BICD1: variants seen among roughly 807,000 people sequenced by gnomAD.
The protein encoded by BICD1 is protein bicaudal D homolog 1.
Under a neutral mutation model 92.5 loss-of-function variants are expected in BICD1, and 35 were observed. The ratio of observed to expected loss-of-function variants is 0.38; its 90% CI spans 0.29 to 0.50. BICD1 has a LOEUF of 0.50. Ranked by LOEUF, BICD1 falls within the 20% of genes least tolerant of loss-of-function variation. The pLI is 0.93. For synonymous variants in BICD1, 429 were observed against 465.1 expected, an observed-to-expected ratio of 0.92 and a Z score of 1.00; for missense variants, 950 against 1,189.8, an observed-to-expected ratio of 0.80 and a Z score of 2.97.
Position 32,377,762 on chromosome 12 carries a change from C to T in BICD1, c.*135C>T, listed in dbSNP as rs200207912. The T allele has an allele frequency of 1.6e-4, 120 of 762,820 alleles. No homozygotes were observed. Among genetic ancestry groups the T allele is most frequent in the Non-Finnish European group, 2.3e-4 (107 of 463,708 alleles). 47.3% of individuals were successfully genotyped at this position (762,820 alleles called of 1,614,324 possible). On this transcript the variant is annotated 3_prime_UTR_variant, in exon 10 of 10. Transcript: ENST00000652176. Reference sequence around the variant, plus strand: ...GATTAATGTCCATCGTTTTGGAAGACGAGAGAAAGTTGAGAAGAACACGAA... The same window carrying T: ...GATTAATGTCCATCGTTTTGGAAGATGAGAGAAAGTTGAGAAGAACACGAA...
At chr12:32,279,717 G>C (rs1404417377) in intron 2 of BICD1, among the ~76,000 whole-genome samples, 1 of 152,194 alleles carries the variant, frequency 6.6e-6, no homozygotes, top group Non-Finnish European at 1.5e-5. Flanking sequence ...TCTAATGGAG[G>C]CAGGTATCCC....
rs948247832 is a variant in BICD1, at chr12:32,339,337, G to A, written c.2764+358G>A. The A allele has an allele frequency of 1.0e-5, 10 of 1,001,478 alleles. 1 individual carries two copies. The South Asian group carries it at 3.2e-4, about 32-fold the overall frequency. The allele number at this position is 1,001,478 out of a possible 1,614,324, so 62.0% of individuals were successfully genotyped here. On this transcript the variant is annotated intron_variant, in intron 8 of 9. Transcript: ENST00000652176. ...CAGATTTGGCCAGTTCTCTCTTATC[G>A]TTTTTAATGTAATTTCCGTAAAGGG...
intron 2 of BICD1, among the ~76,000 whole-genome samples, chr12:32,274,653 G>A (rs1947230864): frequency 6.6e-6 from 1 of 152,036 alleles, no homozygotes; most frequent in African/African-American, 2.4e-5. Context: ...ACACAGAAAG[G>A]GAAACTATGA....
chr12:32,150,803 T>C (rs185410482), intron 1 of BICD1, among the ~76,000 whole-genome samples: 253 of 152,198 alleles, frequency 1.7e-3, no homozygotes, highest in Middle Eastern at 6.8e-3. Context: ...CATAAGAATC[T>C]GTAGGCTCTT....
chr12:32,362,119 G>C (rs1939353756), intron 8 of BICD1, among the ~76,000 whole-genome samples: 1 of 152,198 alleles, frequency 6.6e-6, no homozygotes, highest in East Asian at 1.9e-4. Flanking sequence ...CAGCACTTTG[G>C]GAGGCCGAGG....
chr12:32,167,402 T>G (rs1943798858), intron 1 of BICD1, among the ~76,000 whole-genome samples: 1 of 152,226 alleles, frequency 6.6e-6, no homozygotes, highest in Non-Finnish European at 1.5e-5. Flanking sequence ...ACTTTAAAAT[T>G]GTTTCTTTTT....
intron 2 of BICD1, among the ~76,000 whole-genome samples, chr12:32,264,876 G>A (rs186450595): frequency 6.6e-6 from 1 of 152,282 alleles, no homozygotes; most frequent in Non-Finnish European, 1.5e-5. Flanking sequence ...AAGAGGCAGA[G>A]ACCTTGTCCT....
At position 32,337,989 on chromosome 12, in the gene BICD1, TAA is replaced by T; in HGVS notation, c.2570+174_2570+175del. Reference sequence around the variant, plus strand: ...TCTTTCCAGATCAAAACCTTTTTGATAATTGTGTTTATGTAGTCCTTTCTAAC... The same window carrying T: ...TCTTTCCAGATCAAAACCTTTTTGATTTGTGTTTATGTAGTCCTTTCTAAC... On this transcript the variant is annotated intron_variant, in intron 7 of 9. Transcript: ENST00000652176. The surrounding 1 kb of genome is among the most constrained non-coding windows in gnomAD (Gnocchi z 4.7). 1 of 655,524 alleles carries T rather than the reference TAA, an allele frequency of 1.5e-6. No individual in the cohort carries two copies. Among genetic ancestry groups the T allele is most frequent in the Non-Finnish European group, 2.6e-6 (1 of 389,360 alleles). 40.6% of individuals were successfully genotyped at this position (655,524 alleles called of 1,614,324 possible). A position where few individuals can be genotyped will look rare whatever the true frequency, so the allele number is the denominator to read the frequency against.
intron 2 of BICD1, among the ~76,000 whole-genome samples, chr12:32,235,470 A>ATT (rs368010956): frequency 1.3e-5 from 2 of 150,356 alleles, no homozygotes; most frequent in Admixed American, 6.6e-5. Flanking sequence ...CTTTATGGCT[A>ATT]TTTTTTTTTC....
intron 2 of BICD1, among the ~76,000 whole-genome samples, chr12:32,264,054 G>A (rs1946929030): frequency 6.6e-6 from 1 of 152,132 alleles, no homozygotes; most frequent in Admixed American, 6.6e-5. Context: ...TCCTGGCTCT[G>A]CCACTTACAG....
chr12:32,296,246 G>GTTTT lies in BICD1; in HGVS notation c.579+2106_579+2109dup, dbSNP rs373702037. 6.6e-4 allele frequency among the ~76,000 whole-genome samples: 72 copies of GTTTT among 108,654 alleles called. 2 individuals are homozygous for GTTTT. The highest frequency in any genetic ancestry group is 2.2e-3 in the African/African-American group (64 of 28,834). The allele number at this position is 108,654 out of a possible 152,430, so 71.3% of individuals were successfully genotyped here. ...CGAATACTTTTTAAAATAAGAAGGG[G>GTTTT]TTTTTTTTTGTTTTTTTTTTTTTTT... is the stretch of plus-strand genomic sequence containing the variant. On this transcript the variant is annotated intron_variant, in intron 3 of 9. Transcript: ENST00000652176.
In BICD1 at chr12:32,328,672, G is replaced by T; in HGVS notation, c.2100+117G>T. The T allele has an allele frequency of 7.3e-7, 1 of 1,378,776 alleles. No homozygotes were observed. The highest frequency in any genetic ancestry group is 1.4e-5 in the African/African-American group (1 of 69,002). The allele number at this position is 1,378,776 out of a possible 1,614,324, so 85.4% of individuals were successfully genotyped here. On this transcript the variant is annotated intron_variant, in intron 5 of 9. Coordinates refer to ENST00000652176, the MANE Select transcript of BICD1 (RefSeq NM_001714.4). This position sits in a 1 kb window ranked among gnomAD's most constrained non-coding sequence, Gnocchi z 4.4. Reference sequence around the variant, plus strand: ...TGAGAGTTCAGATTCTTGGTAAGTGGATAAATAAAACTGTCCCAGTGCCAG... The same window carrying T: ...TGAGAGTTCAGATTCTTGGTAAGTGTATAAATAAAACTGTCCCAGTGCCAG...
At chr12:32,304,297 A>T (rs1169397164) in intron 3 of BICD1, among the ~76,000 whole-genome samples, 2 of 152,252 alleles carry the variant, frequency 1.3e-5, no homozygotes, top group Non-Finnish European at 2.9e-5. Flanking sequence ...ATTTTTTAAA[A>T]TTCAAGTTCA....
chr12:32,118,792 G>A (rs616833), intron 1 of BICD1, among the ~76,000 whole-genome samples: 4 of 152,182 alleles, frequency 2.6e-5, no homozygotes, highest in African/African-American at 9.7e-5. Flanking sequence ...TTTTGCTTTA[G>A]ATTGCCCATT....
chr12:32,334,445 C>T lies in BICD1; in HGVS notation c.2101-71C>T. On this transcript the variant is annotated intron_variant, in intron 5 of 9. Coordinates refer to ENST00000652176, the MANE Select transcript of BICD1 (RefSeq NM_001714.4). ...CTTTTATAAAAGAACATAATAGGCA[C>T]AGCATGAAGCAATCTGTATGATGGA... is the stretch of plus-strand genomic sequence containing the variant. The T allele has an allele frequency of 3.5e-6, 5 of 1,433,136 alleles. No homozygotes were observed. In the East Asian group the frequency reaches 9.7e-5, roughly 28 times the overall value. The allele number at this position is 1,433,136 out of a possible 1,614,324, so 88.8% of individuals were successfully genotyped here.
At chr12:32,112,613 G>A (rs1267967276) in intron 1 of BICD1, among the ~76,000 whole-genome samples, 3 of 152,168 alleles carry the variant, frequency 2.0e-5, no homozygotes, top group Non-Finnish European at 2.9e-5. Flanking sequence ...ATGGCTTTGA[G>A]GAGAGGAGGG....
In BICD1 at chr12:32,305,966, C is replaced by T. The variant is rs147476635; in HGVS notation, c.849C>T (p.Asp283=). Residue 283 remains aspartate, a synonymous_variant, in exon 4 of 10, where the codon GAC becomes GAT. Coordinates refer to ENST00000652176, the MANE Select transcript of BICD1 (RefSeq NM_001714.4). ...ATGGGAGTGAACCAAACAATGATGA[C>T]AAAATGAACGGTCATATCCATGGGC... The part of the protein sequence containing the change: ...AEDGSEPNND[D]KMNGHIHGPL... 246 of 1,614,032 alleles carry T rather than the reference C, an allele frequency of 1.5e-4. No individual in the cohort carries two copies. Among genetic ancestry groups the T allele is most frequent in the Non-Finnish European group, 2.0e-4 (231 of 1,180,032 alleles).
chr12:32,327,647 G>A lies in BICD1; in HGVS notation c.1192G>A (p.Asp398Asn), dbSNP rs144053152. 6.2e-7 allele frequency: 1 copy of A among 1,614,132 alleles called. No individual in the cohort carries two copies. Among genetic ancestry groups the A allele is most frequent in the Non-Finnish European group, 8.5e-7 (1 of 1,180,012 alleles). ...KAELDGEKGRDSGEEAHDYEV... is the reference protein window; with the variant it reads ...KAELDGEKGRNSGEEAHDYEV... ...TGAGCTGGACGGGGAGAAGGGCCGG[G>A]ACTCAGGGGAGGAGGCCCATGACTA... The change falls in exon 5 of 10, where the codon GAC becomes AAC. Residue 398 changes from aspartate (D) to asparagine (N), a missense_variant. Coordinates refer to ENST00000652176, the MANE Select transcript of BICD1 (RefSeq NM_001714.4).
chr12:32,288,217 G>T (rs1348296607), intron 2 of BICD1, among the ~76,000 whole-genome samples: 1 of 138,308 alleles, frequency 7.2e-6, no homozygotes, highest in Admixed American at 7.3e-5. Flanking sequence ...CACCTACCAA[G>T]TCCTAATTTT....
Sources: allele counts gnomAD v4.1 joint callset (sites outside exome capture counted in the v4.1 genomes callset), GRCh38; gene constraint gnomAD v4.1.1; non-coding constraint Gnocchi (gnomAD v3.1); transcripts MANE v1.5; gene names NCBI Gene and HGNC (gene_info 2026-07-23, HGNC 2026-07-21).